LSAMP: variants seen among roughly 807,000 people sequenced by gnomAD.
LSAMP encodes limbic system associated membrane protein.
A neutral mutation model predicts 38.6 loss-of-function variants in LSAMP; 7 were observed. That is an observed-to-expected ratio of 0.18 (90% confidence interval 0.10 to 0.34). The LOEUF (loss-of-function observed/expected upper bound fraction) is 0.34, where lower values mean the gene tolerates loss of function less well. Ranked by LOEUF, LSAMP falls within the 10% of genes least tolerant of loss-of-function variation. The probability of loss-of-function intolerance (pLI) is 1.00; values close to 1 mark genes in which losing one functional copy is unlikely to be tolerated. For synonymous variants in LSAMP, 154 were observed against 166.8 expected (o/e 0.92, Z 0.59); for missense variants, 313 against 420.0 (o/e 0.75, Z 2.23).
At chr3:115,883,847 T>A (rs996624956) in intron 3 of LSAMP, among the ~76,000 whole-genome samples, 1 of 152,006 alleles carries the variant, frequency 6.6e-6, no homozygotes, top group South Asian at 2.1e-4. Context: ...TATTTTTATC[T>A]TATGAGGGGA....
At chr3:115,907,500 A>G (rs1937036945) in intron 3 of LSAMP, among the ~76,000 whole-genome samples, 1 of 152,108 alleles carries the variant, frequency 6.6e-6, no homozygotes, top group Non-Finnish European at 1.5e-5. Context: ...TGCCTCCAGA[A>G]CTGTGAGAAA....
chr3:116,158,994 A>G (rs1362388232), intron 1 of LSAMP, among the ~76,000 whole-genome samples: 2 of 152,222 alleles, frequency 1.3e-5, no homozygotes, highest in Non-Finnish European at 2.9e-5. Context: ...AAGTCAACAA[A>G]AACAAGCAAT....
intron 3 of LSAMP, among the ~76,000 whole-genome samples, chr3:115,904,253 A>T (rs1936953835): frequency 6.6e-6 from 1 of 152,156 alleles, no homozygotes; most frequent in Non-Finnish European, 1.5e-5. Context: ...TTGGAAAATT[A>T]AAAATGCTTA....
chr3:116,316,137 G>T (rs762726297), intron 1 of LSAMP, among the ~76,000 whole-genome samples: 1 of 152,176 alleles, frequency 6.6e-6, no homozygotes, highest in Non-Finnish European at 1.5e-5. Context: ...GGTGAAAAAA[G>T]TGTATTTGAT....
At chr3:116,095,977 C>A (rs1209212722) in intron 1 of LSAMP, among the ~76,000 whole-genome samples, 1 of 152,216 alleles carries the variant, frequency 6.6e-6, no homozygotes, top group Non-Finnish European at 1.5e-5. Flanking sequence ...ATTCTAGCTT[C>A]ATCACATACT....
rs375965275 is a variant in LSAMP at position 116,390,736 on chromosome 3, C to T, written c.155+54141G>A. Among the ~76,000 whole-genome samples the T allele has an allele frequency of 2.3e-3, 284 of 123,652 alleles. 2 individuals carry two copies. Among genetic ancestry groups the T allele is most frequent in the African/African-American group, 9.3e-3 (272 of 29,114 alleles). The allele number at this position is 123,652 out of a possible 152,430, so 81.1% of individuals were successfully genotyped here. A position where few individuals can be genotyped will look rare whatever the true frequency, so the allele number is the denominator to read the frequency against. On this transcript the variant is annotated intron_variant, in intron 1 of 6. Coordinates refer to ENST00000490035, the MANE Select transcript of LSAMP (RefSeq NM_002338.5). Reference sequence around the variant, plus strand: ...GCCTGGGCAACAGAGTGAGACTCCGCCTCAAAAAAAAAAAAAAAAAAAAAA... The same window carrying T: ...GCCTGGGCAACAGAGTGAGACTCCGTCTCAAAAAAAAAAAAAAAAAAAAAA...
In LSAMP at chr3:115,997,775, CAT is replaced by C. The variant is rs576779100; in HGVS notation, c.514+21738_514+21739del. ...ATATACACACACATACATACACACA[CAT>C]ATATTTAAATATATACATGCATACA... On this transcript the variant is annotated intron_variant, in intron 3 of 6. Coordinates refer to ENST00000490035, the MANE Select transcript of LSAMP (RefSeq NM_002338.5). Among the ~76,000 whole-genome samples, 869 of 136,438 alleles carry C rather than the reference CAT, an allele frequency of 6.4e-3. 11 individuals are homozygous for C. The highest frequency in any genetic ancestry group is 0.028 in the Middle Eastern group (7 of 246). 89.5% of individuals were successfully genotyped at this position (136,438 alleles called of 152,430 possible). A position where few individuals can be genotyped will look rare whatever the true frequency, so the allele number is the denominator to read the frequency against.
intron 1 of LSAMP, among the ~76,000 whole-genome samples, chr3:116,100,270 C>T (rs555196064): frequency 6.6e-5 from 10 of 151,898 alleles, no homozygotes; most frequent in African/African-American, 1.7e-4. Context: ...TTAGGAGACA[C>T]GGTTTCAACA....
chr3:115,863,189 A>G (rs1027680235), intron 3 of LSAMP, among the ~76,000 whole-genome samples: 1 of 152,156 alleles, frequency 6.6e-6, no homozygotes, highest in African/African-American at 2.4e-5. Flanking sequence ...TGTTTCCTGC[A>G]CTCCTTTTTA....
At chr3:116,228,659 G>A (rs2046368385) in intron 1 of LSAMP, among the ~76,000 whole-genome samples, 1 of 152,192 alleles carries the variant, frequency 6.6e-6, no homozygotes, top group African/African-American at 2.4e-5. Context: ...TAGAAGCGGA[G>A]ATCACTTTGT....
chr3:116,309,498 T>A (rs2047528155), intron 1 of LSAMP, among the ~76,000 whole-genome samples: 1 of 152,128 alleles, frequency 6.6e-6, no homozygotes, highest in Admixed American at 6.6e-5. Context: ...AATAGCTACA[T>A]TTGGCTAGTG....
intron 1 of LSAMP, among the ~76,000 whole-genome samples, chr3:116,167,302 C>G (rs939648003): frequency 2.0e-5 from 3 of 152,052 alleles, no homozygotes; most frequent in African/African-American, 7.2e-5. Flanking sequence ...TATGCTTTTG[C>G]ATCTTCATAT....
At chr3:116,367,463 G>A (rs1308315102) in intron 1 of LSAMP, among the ~76,000 whole-genome samples, 5 of 147,076 alleles carry the variant, frequency 3.4e-5, no homozygotes, top group African/African-American at 1.2e-4. Context: ...GGTAGAGAAT[G>A]TTGCTTTCTC....
intron 1 of LSAMP, among the ~76,000 whole-genome samples, chr3:116,181,590 T>G (rs938607257): frequency 6.6e-6 from 1 of 152,064 alleles, no homozygotes; most frequent in Non-Finnish European, 1.5e-5. Context: ...AATGATGACA[T>G]CAATATAACT....
chr3:116,147,270 C>T (rs1709512080), intron 1 of LSAMP, among the ~76,000 whole-genome samples: 1 of 151,900 alleles, frequency 6.6e-6, no homozygotes, highest in Non-Finnish European at 1.5e-5. Context: ...CACACATCAT[C>T]TCTGTGTTTA....
intron 1 of LSAMP, among the ~76,000 whole-genome samples, chr3:116,249,314 TGACAA>T (rs1030182102): frequency 3.3e-5 from 5 of 152,114 alleles, no homozygotes; most frequent in African/African-American, 9.7e-5. Flanking sequence ...CATGCCAAGA[TGACAA>T]GACAAGTTTT....
At chr3:115,854,274 TTATTATTA>T (rs1459676924) in intron 3 of LSAMP, among the ~76,000 whole-genome samples, 2 of 120,204 alleles carry the variant, frequency 1.7e-5, no homozygotes, top group Admixed American at 8.4e-5. Flanking sequence ...ATTATTATTA[TTATTATTA>T]TTTTTTTTTT....
At chr3:116,004,842 G>A (rs1361627788) in intron 3 of LSAMP, among the ~76,000 whole-genome samples, 1 of 152,044 alleles carries the variant, frequency 6.6e-6, no homozygotes, top group Non-Finnish European at 1.5e-5. Context: ...AAGATTTATA[G>A]CTGATTGCCT....
intron 1 of LSAMP, among the ~76,000 whole-genome samples, chr3:116,293,529 A>G (rs985241586): frequency 1.3e-5 from 2 of 152,180 alleles, no homozygotes; most frequent in African/African-American, 2.4e-5. Context: ...GGAGGATTGA[A>G]TTTAGTCGCA....
Sources: allele counts gnomAD v4.1 joint callset (sites outside exome capture counted in the v4.1 genomes callset), GRCh38; gene constraint gnomAD v4.1.1; transcripts MANE v1.5; gene names NCBI Gene and HGNC (gene_info 2026-07-23, HGNC 2026-07-21).